COLEC11: variants seen among roughly 807,000 people sequenced by gnomAD.
COLEC11 encodes collectin subfamily member 11.
COLEC11 carries 20 observed loss-of-function variants against 27.3 expected under a neutral mutation model. The ratio of observed to expected loss-of-function variants is 0.73; its 90% confidence interval spans 0.51 to 1.06. The LOEUF is 1.06. Among genes scored for constraint, COLEC11 ranks in the 50% least tolerant of loss-of-function variants. The pLI, the probability that COLEC11 is intolerant of heterozygous loss-of-function variation, is 0.00. For missense variants in COLEC11, 310 were observed against 383.0 expected, an observed-to-expected ratio of 0.81 and a Z score of 1.59; for synonymous variants, 163 against 154.7, an observed-to-expected ratio of 1.05 and a Z score of -0.40.
Position 3,613,351 on chromosome 2 carries a change from G to T in COLEC11, c.171G>T (p.Arg57=), listed in dbSNP as rs1190943072. The change falls in exon 3 of 7, where the codon CGG becomes CGT. Residue 57 remains arginine, a synonymous_variant. Coordinates refer to ENST00000349077, the MANE Select transcript of COLEC11 (RefSeq NM_024027.5). ...AGGGAGACAAAGGCGCCCCCGGACG[G>T]CCTGGAAGAGTCGGCCCCACGGGAG... ...GEKGDKGAPG[R]PGRVGPTGEK... 1.9e-6 allele frequency: 3 copies of T among 1,608,484 alleles called. No individual in the cohort carries two copies. The highest frequency in any genetic ancestry group is 2.5e-6 in the Non-Finnish European group (3 of 1,177,682).
chr2:3,616,728 C>T (rs548297260), intron 3 of COLEC11, among the ~76,000 whole-genome samples: 38 of 152,018 alleles, frequency 2.5e-4, no homozygotes, highest in African/African-American at 8.7e-4. Flanking sequence ...AGCTTCGGCT[C>T]AGCATCAAGA....
rs1666072785 is a variant in COLEC11 at position 3,643,842 on chromosome 2, C to T, written c.540C>T (p.Pro180=). 2.5e-6 allele frequency: 4 copies of T among 1,613,580 alleles called. No individual in the cohort carries two copies. The highest frequency in any genetic ancestry group is 3.4e-6 in the Non-Finnish European group (4 of 1,180,000). Residue 180 remains proline, a synonymous_variant, in exon 7 of 7, where the codon CCC becomes CCT. Coordinates refer to ENST00000349077, the MANE Select transcript of COLEC11 (RefSeq NM_024027.5). ...CQGRGGTLSM[P]KDEAANGLMA... Reference sequence around the variant, plus strand: ...GCCGCGGGGGCACGCTGAGCATGCCCAAGGACGAGGCTGCCAATGGCCTGA... The same window carrying T: ...GCCGCGGGGGCACGCTGAGCATGCCTAAGGACGAGGCTGCCAATGGCCTGA...
At chr2:3,635,297 A>G (rs576119546) in intron 3 of COLEC11, among the ~76,000 whole-genome samples, 8 of 151,862 alleles carry the variant, frequency 5.3e-5, no homozygotes, top group East Asian at 3.9e-4. Context: ...TGTCTCCCCA[A>G]TCTGGGCGTT....
chr2:3,628,836 C>T (rs1303502412), intron 3 of COLEC11, among the ~76,000 whole-genome samples: 2 of 152,236 alleles, frequency 1.3e-5, no homozygotes, highest in Non-Finnish European at 2.9e-5. Flanking sequence ...AATCCTCATG[C>T]GTGTCCAGAG....
chr2:3,625,439 C>T (rs1053610386), intron 3 of COLEC11, among the ~76,000 whole-genome samples: 2 of 151,774 alleles, frequency 1.3e-5, no homozygotes, highest in South Asian at 2.1e-4. Flanking sequence ...GGAAGGCACT[C>T]GGGAGGCTAC....
At chr2:3,607,419 A>G (rs1350859876) in intron 2 of COLEC11, among the ~76,000 whole-genome samples, 1 of 142,940 alleles carries the variant, frequency 7.0e-6, no homozygotes, top group Non-Finnish European at 1.5e-5. Flanking sequence ...AGTTCTTCTT[A>G]TAGGCTTTAT....
intron 3 of COLEC11, among the ~76,000 whole-genome samples, chr2:3,636,957 G>A (rs553358734): frequency 2.0e-5 from 3 of 152,316 alleles, no homozygotes; most frequent in South Asian, 4.1e-4. Flanking sequence ...AGCAGGTCAC[G>A]GGGATCAGGC....
intron 3 of COLEC11, among the ~76,000 whole-genome samples, chr2:3,634,537 G>C (rs1397950989): frequency 6.6e-6 from 1 of 152,152 alleles, no homozygotes; most frequent in Admixed American, 6.5e-5. Context: ...AGCGAGTTTT[G>C]GGCATGTATA....
chr2:3,626,175 C>A, intron 3 of COLEC11: 1 of 1,156,942 alleles, frequency 8.6e-7, no homozygotes, highest in Non-Finnish European at 1.3e-6. Context: ...CCCATGGCCA[C>A]ATGGCTTGGA....
chr2:3,637,572 G>A lies in COLEC11; in HGVS notation c.242G>A (p.Arg81His), dbSNP rs139694918. 2.4e-4 allele frequency: 382 copies of A among 1,614,100 alleles called. 1 individual carries two copies. The highest frequency in any genetic ancestry group is 1.8e-3 in the African/African-American group (133 of 75,000). ...GDKGQKGSVG[R>H]HGKIGPIGSK... ...AAAGGACAGAAAGGCAGTGTGGGTC[G>A]TCATGGAAAAATTGGTCCCATTGGC... is the stretch of plus-strand genomic sequence containing the variant. Residue 81 changes from arginine (R) to histidine (H), a missense_variant, in exon 4 of 7, where the codon CGT becomes CAT. Coordinates refer to ENST00000349077, the MANE Select transcript of COLEC11 (RefSeq NM_024027.5).
In COLEC11 at chr2:3,604,459, C is replaced by T. The variant is rs1182062783; in HGVS notation, c.119C>T (p.Pro40Leu). ...DDACSVQILVPGLKGDAGEKG... is the reference protein window; with the variant it reads ...DDACSVQILVLGLKGDAGEKG... The stretch of plus-strand genomic sequence containing the variant: ...GCCTGCTCTGTGCAGATCCTCGTCC[C>T]TGGCCTCAAAGGTAACCGCTCCCTG... The change falls in exon 2 of 7, where the codon CCT (proline) becomes CTT (leucine). Residue 40 changes from proline to leucine, a missense_variant. By Grantham distance (98) the Pro-to-Leu change is moderately conservative. Transcript: ENST00000349077. The T allele has an allele frequency of 4.3e-6, 7 of 1,614,120 alleles. No homozygotes were observed. Among genetic ancestry groups the T allele is most frequent in the Non-Finnish European group, 5.9e-6 (7 of 1,180,040 alleles).
intron 3 of COLEC11, chr2:3,617,572 C>T (rs1318929339): frequency 6.2e-6 from 10 of 1,606,980 alleles, no homozygotes; most frequent in Non-Finnish European, 8.5e-6. Context: ...CTTGCTTCTC[C>T]TGTTCAGTCG....
At chr2:3,603,112 C>T (rs1662357481) in intron 1 of COLEC11, among the ~76,000 whole-genome samples, 1 of 152,226 alleles carries the variant, frequency 6.6e-6, no homozygotes, top group South Asian at 2.1e-4. Flanking sequence ...TGGACAGATG[C>T]TCCTGTGGCT....
intron 4 of COLEC11, among the ~76,000 whole-genome samples, chr2:3,639,587 G>A (rs1665696796): frequency 1.3e-5 from 2 of 152,208 alleles, no homozygotes; most frequent in African/African-American, 4.8e-5. Flanking sequence ...TAAAGAGAAT[G>A]CATTAGAACT....
chr2:3,595,517 C>T (rs936464159), intron 1 of COLEC11, among the ~76,000 whole-genome samples: 4 of 152,212 alleles, frequency 2.6e-5, no homozygotes, highest in African/African-American at 7.2e-5. Context: ...CAGTGCAGTA[C>T]CTGGTCTCAC....
At position 3,602,716 on chromosome 2, in the gene COLEC11, G is replaced by A. The variant is rs576132900; in HGVS notation, c.-26-1599G>A. The stretch of plus-strand genomic sequence containing the variant: ...GCAACCCCCAAAGCTGCTGGGCGCC[G>A]GCTCCTGTCTCCTGTCCTCTGTGCC... On this transcript the variant is annotated intron_variant, in intron 1 of 6. Transcript: ENST00000349077. The surrounding 1 kb of genome is among the most constrained non-coding windows in gnomAD (Gnocchi z 6.2). Among the ~76,000 whole-genome samples, 3 of 152,146 alleles carry A rather than the reference G, an allele frequency of 2.0e-5. No homozygotes were observed. Among genetic ancestry groups the A allele is most frequent in the Admixed American group, 6.5e-5 (1 of 15,282 alleles).
intron 3 of COLEC11, chr2:3,626,031 G>A: frequency 6.2e-7 from 1 of 1,614,128 alleles, no homozygotes; most frequent in Non-Finnish European, 8.5e-7. Flanking sequence ...AGCCAGTCGT[G>A]ACAGCTTCTG....
chr2:3,622,079 G>A (rs1664226722), intron 3 of COLEC11, among the ~76,000 whole-genome samples: 1 of 151,282 alleles, frequency 6.6e-6, no homozygotes, highest in Admixed American at 6.6e-5. Flanking sequence ...TGAGGCAGGA[G>A]AATCGCTTGA....
At chr2:3,620,015 T>G (rs116834932) in intron 3 of COLEC11, among the ~76,000 whole-genome samples, 3,602 of 152,344 alleles carry the variant, frequency 0.024, 147 homozygotes, top group African/African-American at 0.08. Flanking sequence ...GATATTGGCC[T>G]GTAATCTTTT....
Sources: gnomAD v4.1 joint callset for allele counts (sites outside exome capture counted in the v4.1 genomes callset) on GRCh38, gnomAD v4.1.1 for gene constraint, Gnocchi (gnomAD v3.1) non-coding constraint, MANE v1.5 for transcripts, NCBI Gene and HGNC (gene_info 2026-07-23, HGNC 2026-07-21) for gene names.